Variants in CAP2 observed in about 807,000 individuals in gnomAD.
The protein encoded by CAP2 is adenylyl cyclase-associated protein 2.
In CAP2, 24 loss-of-function variants were observed where a neutral mutation model predicts 57.7. The observed-to-expected ratio is 0.42, with a 90% confidence interval of 0.30 to 0.58. The LOEUF is 0.58. Among genes scored for constraint, CAP2 ranks in the 20% least tolerant of loss-of-function variants. CAP2 has a pLI of 0.22. For missense variants in CAP2, 501 were observed against 590.3 expected (o/e 0.85, Z 1.57); for synonymous variants, 194 against 207.2 (o/e 0.94, Z 0.55).
chr6:17,531,956 A>G (rs912070532), intron 7 of CAP2, among the ~76,000 whole-genome samples: 1 of 151,888 alleles, frequency 6.6e-6, no homozygotes, highest in Non-Finnish European at 1.5e-5. Flanking sequence ...AAAAAACAGA[A>G]CGTATGCCTG....
intron 4 of CAP2, among the ~76,000 whole-genome samples, chr6:17,489,208 C>T (rs1397980887): frequency 6.6e-6 from 1 of 152,062 alleles, no homozygotes; most frequent in Admixed American, 6.5e-5. Flanking sequence ...CTAAGGCGGG[C>T]ACATCACGAG....
At chr6:17,530,039 A>G (rs1762606199) in intron 7 of CAP2, among the ~76,000 whole-genome samples, 2 of 151,906 alleles carry the variant, frequency 1.3e-5, no homozygotes, top group African/African-American at 4.8e-5. Context: ...TAGCATGAAG[A>G]TGTAAGTGTA....
At chr6:17,474,796 CTT>C (rs1043837763) in intron 4 of CAP2, among the ~76,000 whole-genome samples, 4 of 152,228 alleles carry the variant, frequency 2.6e-5, no homozygotes, top group East Asian at 3.9e-4. Context: ...GTTGATATCT[CTT>C]TGCTTTTCTG....
chr6:17,540,069 G>A (rs1762864513), intron 8 of CAP2, among the ~76,000 whole-genome samples: 3 of 152,162 alleles, frequency 2.0e-5, no homozygotes, highest in Admixed American at 2.0e-4. Context: ...GTGACAGAGT[G>A]AGACCTTGTC....
At chr6:17,407,372 G>A (rs1248559807) in intron 1 of CAP2, among the ~76,000 whole-genome samples, 1 of 151,828 alleles carries the variant, frequency 6.6e-6, no homozygotes, top group Non-Finnish European at 1.5e-5. Flanking sequence ...CCAGCACTTC[G>A]GGAGACCGAG....
chr6:17,396,551 A>G (rs573525254), intron 1 of CAP2, among the ~76,000 whole-genome samples: 3 of 152,216 alleles, frequency 2.0e-5, no homozygotes, highest in Non-Finnish European at 2.9e-5. Context: ...CAGTCAAAAT[A>G]TCACGTACTG....
chr6:17,533,472 A>G (rs2113690955), intron 7 of CAP2, among the ~76,000 whole-genome samples: 1 of 152,222 alleles, frequency 6.6e-6, no homozygotes. Context: ...TAGACCTTAA[A>G]TGCAGCATTT....
At chr6:17,480,848 C>T (rs9477451) in intron 4 of CAP2, among the ~76,000 whole-genome samples, 3,283 of 149,328 alleles carry the variant, frequency 0.022, 116 homozygotes, top group African/African-American at 0.075. Flanking sequence ...AATCTCGGCT[C>T]ACTGCAACCT....
rs900144298 is a variant in CAP2, at chr6:17,477,972, T to C, written c.300+14899T>C. The stretch of plus-strand genomic sequence containing the variant: ...AATTACTAACTTTACTTCTTGCATT[T>C]TCCACTTTTCATATATATGAAATAT... On this transcript the variant is annotated intron_variant, in intron 4 of 12. Transcript: ENST00000229922. Among the ~76,000 whole-genome samples, 3 of 148,524 alleles carry C rather than the reference T, an allele frequency of 2.0e-5. No individual in the cohort carries two copies. In the East Asian group the frequency reaches 5.8e-4, roughly 29 times the overall value.
At chr6:17,420,699 C>G (rs1276448784) in intron 1 of CAP2, among the ~76,000 whole-genome samples, 3 of 152,108 alleles carry the variant, frequency 2.0e-5, no homozygotes, top group African/African-American at 7.2e-5. Context: ...AAGTTAAGTG[C>G]TGTACATAGA....
chr6:17,531,168 C>T lies in CAP2; in HGVS notation c.637-8101C>T. 4 of 766,018 alleles carry T rather than the reference C, an allele frequency of 5.2e-6. No individual in the cohort carries two copies. The South Asian group carries it at 5.4e-5, about 10-fold the overall frequency. The allele number at this position is 766,018 out of a possible 1,614,324, so 47.5% of individuals were successfully genotyped here. On this transcript the variant is annotated intron_variant, in intron 7 of 12. Coordinates refer to ENST00000229922, the MANE Select transcript of CAP2 (RefSeq NM_006366.3). ...TCGCTTCTTACTGATTTTGCCATAA[C>T]CACACTTATGGATTAGTTCATTTAC...
At chr6:17,520,139 G>A (rs999694722) in intron 7 of CAP2, among the ~76,000 whole-genome samples, 11 of 151,782 alleles carry the variant, frequency 7.2e-5, no homozygotes, top group East Asian at 1.9e-4. Context: ...ACAGAGTTTC[G>A]CTCTGATGCC....
intron 4 of CAP2, among the ~76,000 whole-genome samples, chr6:17,505,846 T>C (rs547494304): frequency 5.3e-5 from 8 of 152,342 alleles, no homozygotes; most frequent in African/African-American, 9.6e-5. Context: ...AGCTCCGAGA[T>C]ACTTTATAAC....
At position 17,551,474 on chromosome 6, in the gene CAP2, G is replaced by A. The variant is rs1440745415; in HGVS notation, c.1220G>A (p.Arg407Lys). 3 of 1,604,082 alleles carry A rather than the reference G, an allele frequency of 1.9e-6. No homozygotes were observed. The African/African-American group carries it at 4.0e-5, about 22-fold the overall frequency. Residue 407 changes from arginine (R) to lysine (K), a missense_variant, in exon 12 of 13, where the codon AGA (arginine) becomes AAA (lysine). Physicochemically the swap from Arg to Lys is conservative, Grantham distance 26. Coordinates refer to ENST00000229922, the MANE Select transcript of CAP2 (RefSeq NM_006366.3). The stretch of plus-strand genomic sequence containing the variant: ...TTTTTCCTATTTCAGGTAATGGGGA[G>A]AGTGCCAACAATTTCCATTAATAAG... The part of the protein sequence containing the change: ...SQDIQIQVMG[R>K]VPTISINKTE...
intron 7 of CAP2, among the ~76,000 whole-genome samples, chr6:17,517,024 G>C (rs1762287034): frequency 6.6e-6 from 1 of 152,194 alleles, no homozygotes; most frequent in African/African-American, 2.4e-5. Context: ...AAGGGTATGT[G>C]TGGATATGGA....
At chr6:17,479,551 GA>G (rs1480084712) in intron 4 of CAP2, among the ~76,000 whole-genome samples, 3 of 150,840 alleles carry the variant, frequency 2.0e-5, no homozygotes, top group East Asian at 3.9e-4. Flanking sequence ...AAAAAGGAGG[GA>G]AAAAAGGAAG....
At chr6:17,471,389 T>A (rs918699395) in intron 4 of CAP2, among the ~76,000 whole-genome samples, 1 of 152,346 alleles carries the variant, frequency 6.6e-6, no homozygotes, top group Admixed American at 6.5e-5. Flanking sequence ...TGCTATGAAG[T>A]TGGGTTTTTC....
intron 7 of CAP2, among the ~76,000 whole-genome samples, chr6:17,537,600 TTC>T (rs1462622309): frequency 9.9e-5 from 15 of 151,054 alleles, no homozygotes; most frequent in African/African-American, 3.7e-4. Context: ...AATAAGGATA[TTC>T]TGTTTTCATT....
chr6:17,445,871 T>C (rs538684692), intron 3 of CAP2, among the ~76,000 whole-genome samples: 2 of 152,340 alleles, frequency 1.3e-5, no homozygotes, highest in East Asian at 3.9e-4. Flanking sequence ...CCGCACGTGC[T>C]GTGCACAGAG....
Sources: allele counts gnomAD v4.1 joint callset (sites outside exome capture counted in the v4.1 genomes callset), GRCh38; gene constraint gnomAD v4.1.1; transcripts MANE v1.5; gene names NCBI Gene and HGNC (gene_info 2026-07-23, HGNC 2026-07-21).